SATB2: variants seen among roughly 807,000 people sequenced by gnomAD.
SATB2 encodes the protein DNA-binding protein SATB2.
Under a neutral mutation model 73.4 loss-of-function variants are expected in SATB2, and 1 was observed. The observed-to-expected ratio is 0.01, with a 90% CI of 0.00 to 0.06. The LOEUF (loss-of-function observed/expected upper bound fraction) is 0.06. Among genes scored for constraint, SATB2 ranks in the 10% least tolerant of loss-of-function variants. The pLI is 1.00. For synonymous variants in SATB2, 397 were observed against 367.0 expected (o/e 1.08, Z -0.93); for missense variants, 459 against 945.8 (o/e 0.49, Z 6.75).
chr2:199,347,649 A>C (rs1262858185), intron 7 of SATB2: 1 of 152,190 alleles, frequency 6.6e-6, no homozygotes, highest in East Asian at 1.9e-4. Flanking sequence ...TTGAAGGCTT[A>C]CCATATTCAT....
At chr2:199,314,163 G>A (rs927290058) in intron 9 of SATB2, among the ~76,000 whole-genome samples, 7 of 152,132 alleles carry the variant, frequency 4.6e-5, no homozygotes, top group Non-Finnish European at 8.8e-5. Context: ...CATCAGAACA[G>A]TTAGCTTCTT....
chr2:199,384,026 G>T (rs1689857267), intron 3 of SATB2, among the ~76,000 whole-genome samples: 3 of 152,062 alleles, frequency 2.0e-5, no homozygotes, highest in Admixed American at 2.0e-4. Context: ...ATACATTTTT[G>T]TATGTAAATT....
At chr2:199,408,590 C>T (rs1260797747) in intron 3 of SATB2, among the ~76,000 whole-genome samples, 1 of 150,902 alleles carries the variant, frequency 6.6e-6, no homozygotes, top group Non-Finnish European at 1.5e-5. Context: ...GGGTAAAAAC[C>T]GCAATTACTT....
At chr2:199,282,954 ACAGCC>A (rs1173119258) in intron 10 of SATB2, among the ~76,000 whole-genome samples, 27 of 152,204 alleles carry the variant, frequency 1.8e-4, no homozygotes, top group Non-Finnish European at 2.9e-4. Flanking sequence ...TTCTATACAT[ACAGCC>A]TGACATCCTC....
chr2:199,370,493 A>C (rs1689411109), intron 5 of SATB2, among the ~76,000 whole-genome samples: 1 of 152,192 alleles, frequency 6.6e-6, no homozygotes. Flanking sequence ...ATCCTCTGGA[A>C]AGGCACAGGA....
intron 7 of SATB2, among the ~76,000 whole-genome samples, chr2:199,330,032 C>A (rs2105797146): frequency 6.6e-6 from 1 of 152,234 alleles, no homozygotes; most frequent in Non-Finnish European, 1.5e-5. Context: ...CAACTGAAAT[C>A]ATGAAAAGTC....
At chr2:199,438,893 C>G (rs1277663022) in intron 2 of SATB2, among the ~76,000 whole-genome samples, 1 of 152,228 alleles carries the variant, frequency 6.6e-6, no homozygotes, top group African/African-American at 2.4e-5. Context: ...AAAAACACAG[C>G]AAGGCAAGGG....
intron 2 of SATB2, among the ~76,000 whole-genome samples, chr2:199,451,449 TAA>T (rs753267178): frequency 6.2e-5 from 8 of 129,806 alleles, no homozygotes; most frequent in Admixed American, 7.8e-5. Flanking sequence ...CTTAAAACCT[TAA>T]AAAAAAAAAA....
intron 10 of SATB2, among the ~76,000 whole-genome samples, chr2:199,276,997 T>C (rs944020300): frequency 6.6e-6 from 1 of 152,182 alleles, no homozygotes; most frequent in African/African-American, 2.4e-5. Flanking sequence ...GAACTATTGC[T>C]ATATACACAA....
chr2:199,410,445 A>G (rs1352634631), intron 3 of SATB2, among the ~76,000 whole-genome samples: 1 of 152,222 alleles, frequency 6.6e-6, no homozygotes, highest in Non-Finnish European at 1.5e-5. Flanking sequence ...ATTCCTCAGT[A>G]CAGATAACTT....
In SATB2 at chr2:199,433,509, T is replaced by C. The variant is rs1478238325; in HGVS notation, c.175A>G (p.Met59Val). 6.2e-7 allele frequency: 1 copy of C among 1,614,016 alleles called. No individual in the cohort carries two copies. The highest frequency in any genetic ancestry group is 8.5e-7 in the Non-Finnish European group (1 of 1,179,926). Residue 59 changes from methionine (M) to valine (V), a missense_variant, in exon 3 of 11, where the codon ATG (methionine) becomes GTG (valine). By Grantham distance (21) the Met-to-Val change is conservative. This residue lies in a region of SATB2 where 74 missense variants were observed against 113.3 expected (regional missense o/e 0.65). Transcript: ENST00000417098. ...GAVAKAVGGL[M>V]IPVFCVVEQL... The stretch of plus-strand genomic sequence containing the variant: ...TCCACGACACAAAAGACAGGAATCA[T>C]CAAACCTGAAGGGACAAAATTCAAG...
At chr2:199,325,219 G>A (rs1269489863) in intron 8 of SATB2, 1 of 151,884 alleles carries the variant, frequency 6.6e-6, no homozygotes, top group Non-Finnish European at 1.5e-5. Context: ...GCTTTTTATG[G>A]GCCAGGTACT....
intron 6 of SATB2, among the ~76,000 whole-genome samples, chr2:199,352,598 A>G (rs747350952): frequency 2.0e-5 from 3 of 152,216 alleles, no homozygotes; most frequent in East Asian, 1.9e-4. Context: ...AACACCATGA[A>G]GTACTAACTA....
intron 3 of SATB2, among the ~76,000 whole-genome samples, chr2:199,398,896 C>T (rs1336645115): frequency 1.3e-5 from 2 of 152,124 alleles, no homozygotes; most frequent in African/African-American, 2.4e-5. Flanking sequence ...GTAACTCCTA[C>T]GAGCTAAGTA....
At chr2:199,370,942 T>A (rs1689427040) in intron 5 of SATB2, among the ~76,000 whole-genome samples, 1 of 93,400 alleles carries the variant, frequency 1.1e-5, no homozygotes. Flanking sequence ...AACTATGAAC[T>A]GAGCAAAAAA....
chr2:199,322,797 C>A (rs1158298980), intron 9 of SATB2, among the ~76,000 whole-genome samples: 1 of 152,038 alleles, frequency 6.6e-6, no homozygotes, highest in Non-Finnish European at 1.5e-5. Context: ...AACCTTCTTG[C>A]TTAATAGAAA....
At chr2:199,412,951 GTTATCTC>G (rs1025127007) in intron 3 of SATB2, among the ~76,000 whole-genome samples, 2 of 152,050 alleles carry the variant, frequency 1.3e-5, no homozygotes, top group East Asian at 1.9e-4. Flanking sequence ...GGATGAATCT[GTTATCTC>G]TTATTTCTTT....
chr2:199,350,270 G>GT (rs1429336827), intron 6 of SATB2, among the ~76,000 whole-genome samples: 3 of 151,920 alleles, frequency 2.0e-5, no homozygotes, highest in Non-Finnish European at 4.4e-5. Context: ...CATATAAAAA[G>GT]TAACTGTCTC....
Position 199,463,550 on chromosome 2 carries a change from G to T in SATB2, c.-141+1286C>A, listed in dbSNP as rs1246265619. Among the ~76,000 whole-genome samples the T allele has an allele frequency of 2.0e-5, 3 of 152,122 alleles. No individual in the cohort carries two copies. The highest frequency in any genetic ancestry group is 3.2e-3 in the Middle Eastern group (1 of 316). On this transcript the variant is annotated intron_variant, in intron 1 of 11. Coordinates refer to the SATB2 transcript ENST00000260926. The surrounding 1 kb of genome is among the most constrained non-coding windows in gnomAD (Gnocchi z 6.4). ...GCCCGGGTCCCGGCCCGGAGCCCCA[G>T]CGTCCTCTCCCGACAGCGCCACCGC...
Sources: gnomAD v4.1 joint callset for allele counts (sites outside exome capture counted in the v4.1 genomes callset) on GRCh38, gnomAD v4.1.1 for gene constraint, gnomAD v4.1.1 regional missense constraint, Gnocchi (gnomAD v3.1) non-coding constraint, MANE v1.5 for transcripts, NCBI Gene and HGNC (gene_info 2026-07-23, HGNC 2026-07-21) for gene names.